CDC20B: variants seen among roughly 807,000 people sequenced by gnomAD.
CDC20B encodes cell division cycle 20B.
A neutral mutation model predicts 64.1 loss-of-function variants in CDC20B; 58 were observed. The observed-to-expected ratio is 0.90, with a 90% CI of 0.73 to 1.13. CDC20B has a LOEUF of 1.13. CDC20B is among the 50% of genes most tolerant of loss of function. The probability of loss-of-function intolerance (pLI) is 0.00; values close to 1 mark genes in which losing one functional copy is unlikely to be tolerated. For synonymous variants in CDC20B, 243 were observed against 230.6 expected (o/e 1.05, Z -0.49); for missense variants, 597 against 633.0 (o/e 0.94, Z 0.61).
rs752729498 is a variant in CDC20B, at chr5:55,146,744, C to T, written c.239G>A (p.Ser80Asn). 6.2e-7 allele frequency: 1 copy of T among 1,614,160 alleles called. No homozygotes were observed. The highest frequency in any genetic ancestry group is 8.5e-7 in the Non-Finnish European group (1 of 1,180,038). Residue 80 changes from serine (S) to asparagine (N), a missense_variant, in exon 3 of 12, where the codon AGT (serine) becomes AAT (asparagine). Around this residue, in one of 3 missense-constraint regions of CDC20B, gnomAD observed 241 missense variants for 219.2 expected, o/e 1.10. Transcript: ENST00000381375. ...ATCAGAGGACAGAGCCCTAGTTTGA[C>T]TTTGCTGCCACCTTGTGGTAATGGG... ...SSPITTRWQQ[S>N]QTRALSSDSF...
chr5:55,114,296 G>A lies in CDC20B; in HGVS notation c.1482C>T (p.His494=). The change falls in exon 12 of 12, where the codon CAC becomes CAT. Residue 494 remains histidine (H), a synonymous_variant. Transcript: ENST00000381375. The surrounding 1 kb of genome is among the most constrained non-coding windows in gnomAD (Gnocchi z 4.1). ...GGGTCTGGTCTGGACTCAAAGACAG[G>A]TGCAGCACTCTGCCCCTGTGGCCTG... is the stretch of plus-strand genomic sequence containing the variant. ...GFFGHRGRVL[H]LSLSPDQTRV... 2 of 1,613,892 alleles carry A rather than the reference G, an allele frequency of 1.2e-6. No individual in the cohort carries two copies. The highest frequency in any genetic ancestry group is 1.7e-6 in the Non-Finnish European group (2 of 1,179,836).
chr5:55,142,064 G>A (rs1743344453), intron 4 of CDC20B, among the ~76,000 whole-genome samples: 1 of 152,154 alleles, frequency 6.6e-6, no homozygotes, highest in Admixed American at 6.6e-5. Flanking sequence ...TTACCACAAA[G>A]CTGATCACAG....
At chr5:55,137,205 A>G (rs390074) in intron 5 of CDC20B, 1 of 161,700 alleles carries the variant, frequency 6.2e-6, no homozygotes, top group Admixed American at 6.0e-5. Context: ...GAAAGAAAGC[A>G]CTGAGAGCTC....
intron 4 of CDC20B, among the ~76,000 whole-genome samples, chr5:55,142,657 C>T (rs1012472542): frequency 6.6e-6 from 1 of 152,164 alleles, no homozygotes; most frequent in South Asian, 2.1e-4. Flanking sequence ...CTCAGTAGGA[C>T]TCCCCGGCCA....
At chr5:55,161,067 A>C (rs1484101697) in intron 2 of CDC20B, 3 of 1,614,070 alleles carry the variant, frequency 1.9e-6, no homozygotes, top group South Asian at 1.1e-5. Flanking sequence ...AAGGAACTGC[A>C]CAAAGAGTTT....
chr5:55,171,519 G>A (rs1744598667), intron 2 of CDC20B, among the ~76,000 whole-genome samples: 1 of 152,098 alleles, frequency 6.6e-6, no homozygotes, highest in Non-Finnish European at 1.5e-5. Flanking sequence ...AATGCAATTA[G>A]TTTTCTCCTA....
intron 6 of CDC20B, 108 bp from the exon 7 acceptor site, chr5:55,128,725 T>G (rs1742957688): frequency 3.0e-5 from 23 of 762,464 alleles, no homozygotes; most frequent in Non-Finnish European, 4.2e-5. Context: ...TCCCCATGGT[T>G]AGCTGGAAAA....
Position 55,113,096 on chromosome 5 carries a change from A to AG in CDC20B, c.*1121dup, listed in dbSNP as rs1742545781. ...TTTCAAAACACTTCCTGGAGAGGTTAGGACTTGTGTGGGTGTGTAAAGGAA... is the reference window on the plus strand; with the variant it reads ...TTTCAAAACACTTCCTGGAGAGGTTAGGGACTTGTGTGGGTGTGTAAAGGAA... On this transcript the variant is annotated 3_prime_UTR_variant, in exon 12 of 12. Transcript: ENST00000381375. The AG allele has an allele frequency of 1.3e-5, 2 of 152,356 alleles. No homozygotes were observed. The highest frequency in any genetic ancestry group is 4.1e-4 in the South Asian group (2 of 4,832). 9.4% of individuals were successfully genotyped at this position (152,356 alleles called of 1,614,324 possible).
chr5:55,152,133 C>A (rs553019754), intron 2 of CDC20B, among the ~76,000 whole-genome samples: 3 of 152,338 alleles, frequency 2.0e-5, no homozygotes, highest in African/African-American at 7.2e-5. Flanking sequence ...TCACCAGAAA[C>A]CAGAAGAGGC....
Position 55,133,509 on chromosome 5 carries a change from T to G in CDC20B, c.600A>C (p.Arg200Ser). Residue 200 changes from arginine to serine, a missense_variant, in exon 6 of 12, where the codon AGA becomes AGC. By Grantham distance (110) the Arg-to-Ser change is moderately radical (BLOSUM62 -1). Coordinates refer to ENST00000381375, the MANE Select transcript of CDC20B (RefSeq NM_001170402.1). ...AACTTTTAAGATGGAAGGATTCATC[T>G]CTGACTCCATCTTTGCAGCCTACAA... Reference protein sequence around the residue: ...CVWKGCKDGVRDESFHLKSSG... With the variant: ...CVWKGCKDGVSDESFHLKSSG... The G allele has an allele frequency of 1.3e-6, 2 of 1,550,708 alleles. No homozygotes were observed. The highest frequency in any genetic ancestry group is 2.7e-5 in the African/African-American group (2 of 74,258).
At position 55,114,021 on chromosome 5, in the gene CDC20B, A is replaced by G; in HGVS notation, c.*197T>C. 1.1e-6 allele frequency: 1 copy of G among 937,040 alleles called. No individual in the cohort carries two copies. The highest frequency in any genetic ancestry group is 1.5e-6 in the Non-Finnish European group (1 of 667,976). The allele number at this position is 937,040 out of a possible 1,614,324, so 58.0% of individuals were successfully genotyped here. On this transcript the variant is annotated 3_prime_UTR_variant, in exon 12 of 12. Transcript: ENST00000381375. The surrounding 1 kb of genome is among the most constrained non-coding windows in gnomAD (Gnocchi z 4.1). ...GGAAGAGGGGCAGAAAGAAGAAAGC[A>G]GAGAAGAAAAGAAGCGGATCTCTGG... is the stretch of plus-strand genomic sequence containing the variant.
intron 9 of CDC20B, among the ~76,000 whole-genome samples, chr5:55,122,432 T>G (rs1213974106): frequency 6.6e-6 from 1 of 152,090 alleles, no homozygotes; most frequent in Admixed American, 6.6e-5. Context: ...CCACTGCACC[T>G]GGCCTCACTC....
intron 2 of CDC20B, among the ~76,000 whole-genome samples, chr5:55,159,384 T>C (rs1003860806): frequency 2.0e-5 from 3 of 152,182 alleles, no homozygotes; most frequent in African/African-American, 4.8e-5. Context: ...AGGTCAGAAC[T>C]GGGTTGTTTA....
Position 55,114,353 on chromosome 5 carries a change from C to CTGTT in CDC20B, c.1460-36_1460-35insAACA. On this transcript the variant is annotated intron_variant, in intron 11 of 11. Transcript: ENST00000381375. This position sits in a 1 kb window ranked among gnomAD's most constrained non-coding sequence, Gnocchi z 4.1. ...GAAGGAAAGACAGTTCATACTCCTC[C>CTGTT]ACGTTACATGGGCTGCTGCTCAGGA... 6.2e-7 allele frequency: 1 copy of CTGTT among 1,609,984 alleles called. No homozygotes were observed. The highest frequency in any genetic ancestry group is 1.1e-5 in the South Asian group (1 of 90,442).
chr5:55,145,964 T>C lies in CDC20B; in HGVS notation c.355+664A>G, dbSNP rs575969406. Among the ~76,000 whole-genome samples the C allele has an allele frequency of 2.2e-4, 34 of 152,318 alleles. 2 individuals are homozygous for C. The South Asian group carries it at 6.8e-3, about 31-fold the overall frequency. ...AACCTTACCAGTCATTAAAATTCTA[T>C]ACTTTGCAAAACAAAAGCACATATA... On this transcript the variant is annotated intron_variant, in intron 3 of 11. Transcript: ENST00000381375.
Position 55,119,866 on chromosome 5 carries a change from C to G in CDC20B, c.1394G>C (p.Gly465Ala). The change falls in exon 11 of 12, where the codon GGT (glycine) becomes GCT (alanine). Residue 465 changes from glycine to alanine, a missense_variant. Gly to Ala is a moderately conservative substitution (Grantham distance 60). Around this residue, in one of 3 missense-constraint regions of CDC20B, gnomAD observed 353 missense variants for 397.0 expected, o/e 0.89. Transcript: ENST00000381375. ...PKTKEIATGQ[G>A]TPKNDVTVWT... ...CACAGTCACATCATTCTTGGGAGTA[C>G]CTTGACCAGTTGCAATCTCCTTTGT... 6.2e-7 allele frequency: 1 copy of G among 1,614,014 alleles called. No individual in the cohort carries two copies. Among genetic ancestry groups the G allele is most frequent in the Non-Finnish European group, 8.5e-7 (1 of 1,179,912 alleles).
chr5:55,156,899 A>T (rs1274692015), intron 2 of CDC20B, among the ~76,000 whole-genome samples: 1 of 152,166 alleles, frequency 6.6e-6, no homozygotes, highest in Non-Finnish European at 1.5e-5. Context: ...TAAATAAAAA[A>T]ATAAGTCATT....
At position 55,146,612 on chromosome 5, in the gene CDC20B, G is replaced by C; in HGVS notation, c.355+16C>G. Reference sequence around the variant, plus strand: ...TCACGTTGCAAAACGGGGCTGTGGCGTTTGGGGCACCTCACCTAGAGTCAA... The same window carrying C: ...TCACGTTGCAAAACGGGGCTGTGGCCTTTGGGGCACCTCACCTAGAGTCAA... On this transcript the variant is annotated intron_variant, in intron 3 of 11. Coordinates refer to ENST00000381375, the MANE Select transcript of CDC20B (RefSeq NM_001170402.1). The C allele has an allele frequency of 6.3e-7, 1 of 1,595,636 alleles. No individual in the cohort carries two copies. The highest frequency in any genetic ancestry group is 8.6e-7 in the Non-Finnish European group (1 of 1,163,764).
intron 2 of CDC20B, chr5:55,164,180 G>A (rs1490302715): frequency 3.8e-6 from 6 of 1,574,558 alleles, no homozygotes; most frequent in African/African-American, 1.4e-5. Context: ...AGCAGCTCTG[G>A]TTAGACAAGT....
Sources: gnomAD v4.1 joint callset for allele counts (sites outside exome capture counted in the v4.1 genomes callset) on GRCh38, gnomAD v4.1.1 for gene constraint, gnomAD v4.1.1 regional missense constraint, Gnocchi (gnomAD v3.1) non-coding constraint, MANE v1.5 for transcripts, NCBI Gene and HGNC (gene_info 2026-07-23, HGNC 2026-07-21) for gene names.